HUS1: variants seen among roughly 807,000 people sequenced by gnomAD.
HUS1 encodes HUS1 checkpoint clamp component, also known as checkpoint protein HUS1.
A neutral mutation model predicts 32.6 loss-of-function variants in HUS1; 31 were observed. The ratio of observed to expected loss-of-function variants is 0.95; its 90% CI spans 0.72 to 1.28. The LOEUF is 1.28. Ranked by LOEUF, HUS1 falls within the 50% of genes most tolerant of loss-of-function variation. The pLI, the probability that HUS1 is intolerant of heterozygous loss-of-function variation, is 0.00. For missense variants in HUS1, 340 were observed against 337.7 expected (o/e 1.01, Z -0.05); for synonymous variants, 123 against 116.6 (o/e 1.06, Z -0.36).
chr7:47,971,644 T>C (rs958773002), intron 5 of HUS1: 2 of 442,440 alleles, frequency 4.5e-6, no homozygotes, highest in African/African-American at 2.0e-5. Flanking sequence ...TTGATGTTGA[T>C]ATCTGCCCAA....
chr7:47,976,933 A>C (rs1562590823), intron 3 of HUS1, 96 bp from the exon 4 acceptor site: 1 of 739,240 alleles, frequency 1.4e-6, no homozygotes, highest in East Asian at 2.7e-5. Context: ...TTGAAATACC[A>C]AATCTAAGTG....
intron 5 of HUS1, among the ~76,000 whole-genome samples, chr7:47,970,247 A>C (rs899195989): frequency 4.6e-5 from 7 of 150,690 alleles, no homozygotes; most frequent in African/African-American, 1.7e-4. Context: ...AAAAAAAAAA[A>C]AAAAAAAGAG....
Position 47,965,077 on chromosome 7 carries a change from A to T in HUS1, c.*279T>A. 1 of 308,780 alleles carries T rather than the reference A, an allele frequency of 3.2e-6. No homozygotes were observed. Among genetic ancestry groups the T allele is most frequent in the South Asian group, 4.7e-5 (1 of 21,088 alleles). The allele number at this position is 308,780 out of a possible 1,614,324, so 19.1% of individuals were successfully genotyped here. A position where few individuals can be genotyped will look rare whatever the true frequency, so the allele number is the denominator to read the frequency against. On this transcript the variant is annotated 3_prime_UTR_variant, in exon 8 of 8. Coordinates refer to ENST00000258774, the MANE Select transcript of HUS1 (RefSeq NM_004507.4). ...AATACATGACGATTTTCACAACATC[A>T]ATGAGAAATTGTTCTTTAAAGTCTG... is the stretch of plus-strand genomic sequence containing the variant.
At chr7:47,978,392 T>A (rs2242478) in intron 3 of HUS1, 25 bp downstream of exon 3, 2 of 1,597,642 alleles carry the variant, frequency 1.3e-6, no homozygotes, top group Non-Finnish European at 1.7e-6. Context: ...ACTTCTGTGT[T>A]AGAAACCCTG....
intron 7 of HUS1, among the ~76,000 whole-genome samples, chr7:47,966,111 G>A (rs1341263819): frequency 9.1e-6 from 1 of 110,196 alleles, no homozygotes; most frequent in East Asian, 3.1e-4. Flanking sequence ...GGAGGTTGGG[G>A]AAAGGACCAG....
At chr7:47,965,980 A>C (rs1446920114) in intron 7 of HUS1, among the ~76,000 whole-genome samples, 2 of 144,212 alleles carry the variant, frequency 1.4e-5, no homozygotes, top group Admixed American at 6.8e-5. Flanking sequence ...ACACAGTGTG[A>C]CAACCACCGA....
Position 47,967,912 on chromosome 7 carries a change from G to A in HUS1, c.654C>T (p.Thr218=). 1.2e-6 allele frequency: 2 copies of A among 1,611,590 alleles called. No homozygotes were observed. Among genetic ancestry groups the A allele is most frequent in the Non-Finnish European group, 1.7e-6 (2 of 1,178,772 alleles). ...LGNPPLASES[T]HEDRNVEHMA... is the part of the protein sequence containing the mutation. Reference sequence around the variant, plus strand: ...TGTGTTCCACGTTTCTGTCCTCATGGGTGCTTTCAGAGGCTAAAATGATAG... The same window carrying A: ...TGTGTTCCACGTTTCTGTCCTCATGAGTGCTTTCAGAGGCTAAAATGATAG... The change falls in exon 7 of 8, where the codon ACC becomes ACT. Residue 218 remains threonine, a synonymous_variant. Transcript: ENST00000258774.
At chr7:47,968,077 A>T (rs1232556451) in intron 6 of HUS1, 152 bp from the exon 7 acceptor site, 1 of 717,946 alleles carries the variant, frequency 1.4e-6, no homozygotes, top group South Asian at 2.2e-5. Context: ...GTTGTCATTC[A>T]TTAAGCATTA....
At chr7:47,976,908 C>G in intron 3 of HUS1, 71 bp from the exon 4 acceptor site, 2 of 1,027,464 alleles carry the variant, frequency 1.9e-6, no homozygotes, top group Non-Finnish European at 3.0e-6. Flanking sequence ...AACCCGAAGA[C>G]CCGGGACAAA....
At chr7:47,969,768 A>G (rs575347141) in intron 5 of HUS1, among the ~76,000 whole-genome samples, 2 of 152,326 alleles carry the variant, frequency 1.3e-5, no homozygotes, top group South Asian at 2.1e-4. Flanking sequence ...AAAGGGAATG[A>G]AACTTTAAAT....
chr7:47,975,002 C>T (rs1013540182), intron 5 of HUS1, among the ~76,000 whole-genome samples: 3 of 152,110 alleles, frequency 2.0e-5, no homozygotes, highest in Non-Finnish European at 4.4e-5. Flanking sequence ...AAAATACGGG[C>T]ACGTTAGCAG....
chr7:47,974,654 G>GT (rs1788662057), intron 5 of HUS1, among the ~76,000 whole-genome samples: 1 of 151,888 alleles, frequency 6.6e-6, no homozygotes, highest in African/African-American at 2.4e-5. Flanking sequence ...AACCAAGGGT[G>GT]TTTTTTGGAG....
intron 5 of HUS1, among the ~76,000 whole-genome samples, chr7:47,970,328 C>T (rs1004463366): frequency 6.7e-6 from 1 of 149,858 alleles, no homozygotes; most frequent in African/African-American, 2.5e-5. Flanking sequence ...CATGAGATGA[C>T]CAGAGAGCAC....
At chr7:47,977,626 T>C (rs551284956) in intron 3 of HUS1, among the ~76,000 whole-genome samples, 2 of 152,324 alleles carry the variant, frequency 1.3e-5, no homozygotes, top group South Asian at 4.1e-4. Flanking sequence ...GCGCCGTGGC[T>C]CATGCCTACA....
In HUS1 at chr7:47,978,443, G is replaced by C. The variant is rs1445836673; in HGVS notation, c.331C>G (p.Pro111Ala). 1 of 1,614,236 alleles carries C rather than the reference G, an allele frequency of 6.2e-7. No individual in the cohort carries two copies. Among genetic ancestry groups the C allele is most frequent in the South Asian group, 1.1e-5 (1 of 91,090 alleles). The change falls in exon 3 of 8, where the codon CCC becomes GCC. Residue 111 changes from proline (P) to alanine (A), a missense_variant. Pro to Ala is a conservative substitution (Grantham distance 27). Transcript: ENST00000258774. The stretch of plus-strand genomic sequence containing the variant: ...AGCTCCACGGAGACCGTGAGGCAGG[G>C]AAAGTGTTTATTAGTCAGTTTGATT... ...LKIKLTNKHF[P>A]CLTVSVELLS...
Position 47,978,749 on chromosome 7 carries a change from G to A in HUS1, c.120C>T (p.Asn40=). ...CTLRISPDKL[N]FILCDKLANG... ...TAGCCAGCTTGTCACAAAGGATGAAGTTAAGCTTATCAGGGCTGATGCGGA... is the reference window on the plus strand; with the variant it reads ...TAGCCAGCTTGTCACAAAGGATGAAATTAAGCTTATCAGGGCTGATGCGGA... Residue 40 remains asparagine (N), a synonymous_variant, in exon 2 of 8, where the codon AAC becomes AAT. Transcript: ENST00000258774. The A allele has an allele frequency of 1.2e-6, 2 of 1,614,250 alleles. No homozygotes were observed. The highest frequency in any genetic ancestry group is 8.5e-7 in the Non-Finnish European group (1 of 1,180,040).
chr7:47,976,843 A>G lies in HUS1; in HGVS notation c.358-6T>C. On this transcript the variant is annotated splice_region_variant and splice_polypyrimidine_tract_variant and intron_variant, in intron 3 of 7. Coordinates refer to ENST00000258774, the MANE Select transcript of HUS1 (RefSeq NM_004507.4). ...CTACTGCTTGACATAGATAACTGCC[A>G]AGAAAAGAATTTAAAAATATTTTTA... 6.4e-7 allele frequency: 1 copy of G among 1,566,106 alleles called. No individual in the cohort carries two copies. Among genetic ancestry groups the G allele is most frequent in the African/African-American group, 1.4e-5 (1 of 74,018 alleles).
intron 7 of HUS1, among the ~76,000 whole-genome samples, chr7:47,966,843 T>C (rs548511740): frequency 2.6e-5 from 4 of 152,308 alleles, no homozygotes; most frequent in African/African-American, 9.6e-5. Flanking sequence ...CCCCATGATC[T>C]GGCCTAGTCT....
intron 5 of HUS1, among the ~76,000 whole-genome samples, chr7:47,970,385 G>A (rs1788574598): frequency 6.6e-6 from 1 of 151,740 alleles, no homozygotes; most frequent in Non-Finnish European, 1.5e-5. Context: ...AGAAACATAA[G>A]GAAAAATTTC....
Sources: gnomAD v4.1 joint callset for allele counts (sites outside exome capture counted in the v4.1 genomes callset) on GRCh38, gnomAD v4.1.1 for gene constraint, MANE v1.5 for transcripts, NCBI Gene and HGNC (gene_info 2026-07-23, HGNC 2026-07-21) for gene names.